Variants in OSCP1 observed in about 807,000 individuals in gnomAD.
OSCP1 encodes the protein protein OSCP1.
OSCP1 carries 35 observed loss-of-function variants against 45.1 expected under a neutral mutation model. The observed-to-expected ratio is 0.78, with a 90% CI of 0.59 to 1.03. The LOEUF (loss-of-function observed/expected upper bound fraction) is 1.03, where lower values mean the gene tolerates loss of function less well. OSCP1 is among the 50% of genes least tolerant of loss of function. The pLI is 0.00. For missense variants in OSCP1, 400 were observed against 470.7 expected, an observed-to-expected ratio of 0.85 and a Z score of 1.39; for synonymous variants, 179 against 180.1, an observed-to-expected ratio of 0.99 and a Z score of 0.05.
chr1:36,434,828 G>A (rs888845569), intron 2 of OSCP1, among the ~76,000 whole-genome samples: 3 of 151,460 alleles, frequency 2.0e-5, no homozygotes, highest in African/African-American at 7.3e-5. Flanking sequence ...CATGGGGATT[G>A]GGAAAGTACA....
At chr1:36,418,851 C>T (rs1418493293) in intron 9 of OSCP1, 140 bp downstream of exon 9, 82 of 670,284 alleles carry the variant, frequency 1.2e-4, no homozygotes, top group Non-Finnish European at 3.1e-5. Context: ...TTGCTTAAAC[C>T]TGGGAGGTGG....
At chr1:36,441,942 G>A (rs534709831) in intron 1 of OSCP1, among the ~76,000 whole-genome samples, 1 of 150,658 alleles carries the variant, frequency 6.6e-6, no homozygotes, top group Non-Finnish European at 1.5e-5. Flanking sequence ...AAGAGGCTAA[G>A]GGGGGCCGGG....
At position 36,438,811 on chromosome 1, in the gene OSCP1, T is replaced by C. The variant is rs1412800249; in HGVS notation, c.212A>G (p.Tyr71Cys). The change falls in exon 2 of 10, where the codon TAT becomes TGT. Residue 71 changes from tyrosine to cysteine, a missense_variant. By Grantham distance (194) the Tyr-to-Cys change is radical. Coordinates refer to ENST00000235532, the MANE Select transcript of OSCP1 (RefSeq NM_145047.5). ...LYSKKALRTV[Y>C]ERLAHASIMK... ...AATGGAGGCATGAGCCAGGCGCTCA[T>C]AGACAGTCCTCAGGGCCTTCTTGGA... The C allele has an allele frequency of 5.0e-6, 8 of 1,614,116 alleles. No individual in the cohort carries two copies. The highest frequency in any genetic ancestry group is 2.7e-5 in the African/African-American group (2 of 74,950).
intron 2 of OSCP1, among the ~76,000 whole-genome samples, chr1:36,437,639 C>G (rs1391953645): frequency 6.6e-6 from 1 of 152,162 alleles, no homozygotes; most frequent in Non-Finnish European, 1.5e-5. Context: ...CTGCCTCAGC[C>G]TCCTGAGTAG....
At chr1:36,439,242 TG>T (rs1464496666) in intron 1 of OSCP1, among the ~76,000 whole-genome samples, 1 of 152,132 alleles carries the variant, frequency 6.6e-6, no homozygotes, top group African/African-American at 2.4e-5. Flanking sequence ...GATTACTGGC[TG>T]GGTGTGGTGG....
In OSCP1 at chr1:36,431,840, G is replaced by A. The variant is rs773468810; in HGVS notation, c.478C>T (p.Gln160Ter). Residue 160 changes from glutamine to a stop codon, truncating the protein, a stop_gained, in exon 4 of 10, where the codon CAG becomes TAG. Coordinates refer to ENST00000235532, the MANE Select transcript of OSCP1 (RefSeq NM_145047.5). LOFTEE classifies it high-confidence loss of function. The part of the protein sequence containing the change: ...LSAGEFQLIR[Q>*]TLLIFFQDLH... ...TCTTGGAAGAAGATGAGGAGTGTCT[G>A]CCGGATCAGCTGGAACTCCCCTGCA... The A allele has an allele frequency of 6.2e-7, 1 of 1,613,522 alleles. No individual in the cohort carries two copies. The highest frequency in any genetic ancestry group is 8.5e-7 in the Non-Finnish European group (1 of 1,179,998).
chr1:36,445,068 G>A lies in OSCP1; in HGVS notation c.112+5190C>T, dbSNP rs543500330. On this transcript the variant is annotated intron_variant, in intron 1 of 9. Coordinates refer to ENST00000235532, the MANE Select transcript of OSCP1 (RefSeq NM_145047.5). The stretch of plus-strand genomic sequence containing the variant: ...CACATCTGTATTTCAAAAACATTTT[G>A]GCGAGGCACAGTGGCTCATGCCTGT... 1.1e-4 allele frequency among the ~76,000 whole-genome samples: 16 copies of A among 152,310 alleles called. No homozygotes were observed. In the East Asian group the frequency reaches 3.1e-3, roughly 29 times the overall value.
chr1:36,429,386 A>AG (rs985219661), intron 4 of OSCP1, among the ~76,000 whole-genome samples: 21 of 72,268 alleles, frequency 2.9e-4, no homozygotes, highest in Admixed American at 6.6e-4. Flanking sequence ...AACCTGTCTC[A>AG]AAAAAAAAAA....
At chr1:36,428,204 A>G (rs1323199205) in intron 4 of OSCP1, 1 of 1,351,608 alleles carries the variant, frequency 7.4e-7, no homozygotes, top group South Asian at 1.7e-5. Context: ...AAAAAAAAAA[A>G]AAAAAAGAAA....
intron 4 of OSCP1, among the ~76,000 whole-genome samples, chr1:36,429,955 C>T (rs12119097): frequency 6.6e-6 from 1 of 151,626 alleles, no homozygotes; most frequent in Non-Finnish European, 1.5e-5. Flanking sequence ...GGATTAAAGG[C>T]GCCTGGCTAA....
chr1:36,418,765 A>AC (rs1647428679), intron 9 of OSCP1, among the ~76,000 whole-genome samples: 1 of 149,648 alleles, frequency 6.7e-6, no homozygotes, highest in African/African-American at 2.4e-5. Flanking sequence ...AAAAATACAA[A>AC]AAAAAAAAAA....
intron 2 of OSCP1, 92 bp downstream of exon 2, chr1:36,438,664 T>A: frequency 1.4e-6 from 2 of 1,441,446 alleles, no homozygotes; most frequent in Non-Finnish European, 1.9e-6. Flanking sequence ...CAAGGACCAT[T>A]GCATACATCA....
intron 1 of OSCP1, among the ~76,000 whole-genome samples, chr1:36,445,924 G>A (rs1198527128): frequency 2.0e-5 from 3 of 151,962 alleles, no homozygotes; most frequent in Non-Finnish European, 1.5e-5. Context: ...TGTTGGCCAG[G>A]CTGGTCTTGA....
Position 36,418,245 on chromosome 1 carries a change from C to T in OSCP1, c.1034G>A (p.Arg345Gln), listed in dbSNP as rs771851049. 19 of 1,614,144 alleles carry T rather than the reference C, an allele frequency of 1.2e-5. No individual in the cohort carries two copies. Among genetic ancestry groups the T allele is most frequent in the East Asian group, 1.1e-4 (5 of 44,876 alleles). ...INIQATQDQQ[R>Q]SEELARIMGE... Reference sequence around the variant, plus strand: ...CATGATTCGAGCCAGCTCCTCGCTCCGTTGCTGGTCCTATGAGGGAAATGA... The same window carrying T: ...CATGATTCGAGCCAGCTCCTCGCTCTGTTGCTGGTCCTATGAGGGAAATGA... The change falls in exon 10 of 10, where the codon CGG becomes CAG. Residue 345 changes from arginine (R) to glutamine (Q), a missense_variant. Transcript: ENST00000235532.
chr1:36,448,783 C>T (rs1041379215), intron 1 of OSCP1, among the ~76,000 whole-genome samples: 8 of 152,148 alleles, frequency 5.3e-5, no homozygotes, highest in African/African-American at 1.9e-4. Context: ...TATTGGGAAA[C>T]AGGAGGCAGG....
intron 1 of OSCP1, among the ~76,000 whole-genome samples, chr1:36,449,707 C>T (rs967486945): frequency 6.8e-6 from 1 of 148,116 alleles, no homozygotes; most frequent in Admixed American, 6.8e-5. Context: ...TGTGGTGGTG[C>T]ATGCCTGTAA....
intron 1 of OSCP1, among the ~76,000 whole-genome samples, chr1:36,442,469 G>C (rs897780476): frequency 1.3e-5 from 2 of 152,162 alleles, no homozygotes; most frequent in Non-Finnish European, 2.9e-5. Context: ...CATCAAGGGA[G>C]GGACGGGTCA....
intron 4 of OSCP1, among the ~76,000 whole-genome samples, chr1:36,430,935 G>A (rs769552273): frequency 6.6e-6 from 1 of 152,236 alleles, no homozygotes; most frequent in African/African-American, 2.4e-5. Flanking sequence ...GATTACAGGC[G>A]TGAGCCACTG....
At chr1:36,418,928 AG>A (rs202052052) in intron 9 of OSCP1, 62 bp downstream of exon 9, 117,082 of 1,187,900 alleles carry the variant, frequency 0.099, 3,496 homozygotes, top group East Asian at 0.23. Context: ...CCCTGTCTCA[AG>A]AAAAAAAAAA....
Sources: allele counts gnomAD v4.1 joint callset (sites outside exome capture counted in the v4.1 genomes callset), GRCh38; gene constraint gnomAD v4.1.1; transcripts MANE v1.5; gene names NCBI Gene and HGNC (gene_info 2026-07-23, HGNC 2026-07-21).